The following MAPKBP1 variants were observed in gnomAD, a reference collection of about 807,000 sequenced individuals.
MAPKBP1 encodes mitogen-activated protein kinase-binding protein 1.
A neutral mutation model predicts 170.5 loss-of-function variants in MAPKBP1; 71 were observed. That is an observed-to-expected ratio of 0.42 (90% CI 0.34 to 0.51). The LOEUF (loss-of-function observed/expected upper bound fraction) is 0.51. Among genes scored for constraint, MAPKBP1 ranks in the 20% least tolerant of loss-of-function variants. The probability of loss-of-function intolerance (pLI) is 0.06; values close to 1 mark genes in which losing one functional copy is unlikely to be tolerated. For missense variants in MAPKBP1, 1,598 were observed against 1,933.0 expected (o/e 0.83, Z 3.25); for synonymous variants, 719 against 757.9 (o/e 0.95, Z 0.84).
rs951950705 is a variant in MAPKBP1, at chr15:41,819,135, A to G, written c.2292-111A>G. On this transcript the variant is annotated intron_variant, in intron 20 of 30. Transcript: ENST00000457542. ...CCCCTGTTGAGTCTCCTCTCCCCCT[A>G]TTGAGTCTCATCTTCCCCTCATTGA... 73 of 1,436,208 alleles carry G rather than the reference A, an allele frequency of 5.1e-5. 1 individual carries two copies. The South Asian group carries it at 6.1e-4, about 12-fold the overall frequency. The allele number at this position is 1,436,208 out of a possible 1,614,324, so 89.0% of individuals were successfully genotyped here.
At chr15:41,797,763 C>T (rs879803168) in intron 2 of MAPKBP1, among the ~76,000 whole-genome samples, 2 of 152,152 alleles carry the variant, frequency 1.3e-5, no homozygotes, top group Admixed American at 6.5e-5. Flanking sequence ...TGTATTGAAA[C>T]CACATCTACC....
intron 28 of MAPKBP1, 99 bp from the exon 29 acceptor site, chr15:41,823,348 G>T: frequency 1.3e-6 from 2 of 1,545,090 alleles, no homozygotes; most frequent in Non-Finnish European, 1.7e-6. Flanking sequence ...TCCCTTAATG[G>T]GCATGTGGAG....
rs1185550066 is a variant in MAPKBP1 at position 41,798,870 on chromosome 15, G to T, written c.115-953G>T. On this transcript the variant is annotated intron_variant, in intron 2 of 30. Transcript: ENST00000457542. ...ACTCTCTGAGCCAGGGGAGATCAGG[G>T]ACATTCTTGAGCAGAGCCAGTGCAG... Among the ~76,000 whole-genome samples, 6 of 152,184 alleles carry T rather than the reference G, an allele frequency of 3.9e-5. No individual in the cohort carries two copies. In the East Asian group the frequency reaches 1.2e-3, roughly 29 times the overall value.
rs558356983 is a variant in MAPKBP1, at chr15:41,800,932, A to G, written c.206+1018A>G. 7.7e-4 allele frequency among the ~76,000 whole-genome samples: 117 copies of G among 151,436 alleles called. 1 individual carries two copies. The highest frequency in any genetic ancestry group is 6.9e-3 in the Middle Eastern group (2 of 290). On this transcript the variant is annotated intron_variant, in intron 3 of 30. Coordinates refer to ENST00000457542, the MANE Select transcript of MAPKBP1 (RefSeq NM_014994.3). ...CATTTTTTTGTAGAGACAGGGTCTA[A>G]CTCTATTGCCTAGGCTAGTTTCGAA...
intron 2 of MAPKBP1, among the ~76,000 whole-genome samples, chr15:41,784,928 C>G: frequency 7.1e-6 from 1 of 140,882 alleles, no homozygotes; most frequent in East Asian, 2.1e-4. Context: ...ATTAGTTGGG[C>G]ATGGTTGTGC....
At position 41,818,931 on chromosome 15, in the gene MAPKBP1, T is replaced by A. The variant is rs2064938925; in HGVS notation, c.2265T>A (p.Ser755=). The change falls in exon 20 of 31, where the codon TCT becomes TCA. Residue 755 remains serine (S), a synonymous_variant. Coordinates refer to ENST00000457542, the MANE Select transcript of MAPKBP1 (RefSeq NM_014994.3). The surrounding 1 kb of genome is among the most constrained non-coding windows in gnomAD (Gnocchi z 5.2). The part of the protein sequence containing the change: ...QRGGKQQGPS[S]PQRASGPNRH... Reference sequence around the variant, plus strand: ...GCGGCAAGCAGCAAGGACCATCCTCTCCCCAAAGGGCTTCTGGACCCAACC... The same window carrying A: ...GCGGCAAGCAGCAAGGACCATCCTCACCCCAAAGGGCTTCTGGACCCAACC... 6.2e-6 allele frequency: 10 copies of A among 1,614,116 alleles called. No homozygotes were observed. Among genetic ancestry groups the A allele is most frequent in the Non-Finnish European group, 8.5e-6 (10 of 1,180,028 alleles).
Position 41,774,574 on chromosome 15 carries a change from G to T in MAPKBP1, c.-146G>T, listed in dbSNP as rs1329683941. 5.0e-6 allele frequency: 2 copies of T among 398,600 alleles called. No individual in the cohort carries two copies. The highest frequency in any genetic ancestry group is 8.8e-6 in the Non-Finnish European group (2 of 226,124). The allele number at this position is 398,600 out of a possible 1,614,324, so 24.7% of individuals were successfully genotyped here. ...AAATTGCCGAACGCGATGCCCGAGGGCGCTGTGAGCGGGGTGGCCTTAGCT... is the reference window on the plus strand; with the variant it reads ...AAATTGCCGAACGCGATGCCCGAGGTCGCTGTGAGCGGGGTGGCCTTAGCT... On this transcript the variant is annotated 5_prime_UTR_variant, in exon 1 of 31. Transcript: ENST00000457542.
chr15:41,797,560 C>G (rs1293255791), intron 2 of MAPKBP1, among the ~76,000 whole-genome samples: 3 of 152,110 alleles, frequency 2.0e-5, no homozygotes, highest in African/African-American at 2.4e-5. Flanking sequence ...GCTCTCCAGT[C>G]AGTAATAGGT....
chr15:41,786,777 A>AAAATATATATATATATATATATATAT, intron 2 of MAPKBP1, among the ~76,000 whole-genome samples: 8 of 32,438 alleles, frequency 2.5e-4, no homozygotes, highest in Non-Finnish European at 2.8e-4. Context: ...AAAAAAAAAA[A>AAAATATATATATATATATATATATAT]ATATATATAT....
chr15:41,802,441 A>G (rs529320860), intron 3 of MAPKBP1, among the ~76,000 whole-genome samples: 20 of 152,288 alleles, frequency 1.3e-4, no homozygotes, highest in Middle Eastern at 3.4e-3. Flanking sequence ...TTAGCTTAAA[A>G]CACAAACACA....
At chr15:41,809,397 C>T (rs942691980) in intron 3 of MAPKBP1, among the ~76,000 whole-genome samples, 15 of 152,078 alleles carry the variant, frequency 9.9e-5, no homozygotes, top group African/African-American at 3.1e-4. Flanking sequence ...TCCCAGTGTC[C>T]CCAAATTTGC....
At chr15:41,794,270 A>T (rs146822228) in intron 2 of MAPKBP1, among the ~76,000 whole-genome samples, 15 of 152,250 alleles carry the variant, frequency 9.9e-5, no homozygotes, top group African/African-American at 3.6e-4. Context: ...TGAGTTCTTC[A>T]TACTCTTTCC....
intron 2 of MAPKBP1, among the ~76,000 whole-genome samples, chr15:41,794,492 A>G (rs997505142): frequency 6.6e-6 from 1 of 152,196 alleles, no homozygotes; most frequent in Non-Finnish European, 1.5e-5. Context: ...GCCTACCATC[A>G]GCTTAAGAAA....
chr15:41,774,641 G>A (rs2064064181), intron 1 of MAPKBP1, 31 bp downstream of exon 1: 1 of 398,766 alleles, frequency 2.5e-6, no homozygotes, highest in Non-Finnish European at 4.4e-6. Flanking sequence ...GGGCGCTGAC[G>A]AGTAGCAGGG....
chr15:41,819,551 G>A lies in MAPKBP1; in HGVS notation c.2426-44G>A, dbSNP rs770255305. ...CAGGGCTCCAGGGTTGGGTGGCGGG[G>A]GGGGGGCAGGAGACACTTCCTCTGA... On this transcript the variant is annotated intron_variant, in intron 21 of 30. Coordinates refer to ENST00000457542, the MANE Select transcript of MAPKBP1 (RefSeq NM_014994.3). 27 of 1,515,304 alleles carry A rather than the reference G, an allele frequency of 1.8e-5. 1 individual carries two copies. The highest frequency in any genetic ancestry group is 1.6e-4 in the East Asian group (7 of 44,562). 93.9% of individuals were successfully genotyped at this position (1,515,304 alleles called of 1,614,324 possible).
intron 24 of MAPKBP1, 96 bp from the exon 25 acceptor site, chr15:41,821,869 G>A (rs1288055084): frequency 1.3e-6 from 2 of 1,569,002 alleles, no homozygotes; most frequent in African/African-American, 1.4e-5. Flanking sequence ...GCTCACCACT[G>A]CCTCATCCCT....
In MAPKBP1 at chr15:41,816,626, C is replaced by T; in HGVS notation, c.1561C>T (p.Leu521=). The change falls in exon 13 of 31, where the codon CTG becomes TTG. Residue 521 remains leucine, a synonymous_variant. Transcript: ENST00000457542. Reference sequence around the variant, plus strand: ...GGCCCATGACTCTGAGATTCTGTGCCTGGAGTATTCTAAGCCAGACACAGG... The same window carrying T: ...GGCCCATGACTCTGAGATTCTGTGCTTGGAGTATTCTAAGCCAGACACAGG... The part of the protein sequence containing the change: ...VEAHDSEILC[L]EYSKPDTGLK... The T allele has an allele frequency of 6.2e-7, 1 of 1,613,914 alleles. No individual in the cohort carries two copies. Among genetic ancestry groups the T allele is most frequent in the Non-Finnish European group, 8.5e-7 (1 of 1,180,012 alleles).
chr15:41,825,763 A>G lies in MAPKBP1; in HGVS notation c.*327A>G. ...ATCTGGGAAGGGCTGGCCCTCTCTT[A>G]GAAGCCATTTGAAATTACTGCAGGG... On this transcript the variant is annotated 3_prime_UTR_variant, in exon 31 of 31. Transcript: ENST00000457542. 3.8e-6 allele frequency: 1 copy of G among 265,886 alleles called. No homozygotes were observed. The highest frequency in any genetic ancestry group is 7.2e-6 in the Non-Finnish European group (1 of 139,064). 16.5% of individuals were successfully genotyped at this position (265,886 alleles called of 1,614,324 possible). A position where few individuals can be genotyped will look rare whatever the true frequency, so the allele number is the denominator to read the frequency against.
At chr15:41,815,068 G>A (rs941313701) in intron 10 of MAPKBP1, among the ~76,000 whole-genome samples, 191 bp from the exon 11 acceptor site, 90 of 152,188 alleles carry the variant, frequency 5.9e-4, no homozygotes, top group African/African-American at 2.1e-3. Context: ...ATAGAAGAGT[G>A]CCTGATATAT....
Sources: gnomAD v4.1 joint callset for allele counts (sites outside exome capture counted in the v4.1 genomes callset) on GRCh38, gnomAD v4.1.1 for gene constraint, Gnocchi (gnomAD v3.1) non-coding constraint, MANE v1.5 for transcripts, NCBI Gene and HGNC (gene_info 2026-07-23, HGNC 2026-07-21) for gene names.